The following WDR49 variants were observed in gnomAD, a reference collection of about 807,000 sequenced individuals.
The protein encoded by WDR49 is cilia- and flagella-associated protein 337.
WDR49 carries 107 observed loss-of-function variants against 119.5 expected under a neutral mutation model. That is an observed-to-expected ratio of 0.90 (90% confidence interval 0.77 to 1.05). WDR49 has a LOEUF of 1.05. WDR49 is among the 50% of genes least tolerant of loss of function. The probability of loss-of-function intolerance (pLI) is 0.00; values close to 1 mark genes in which losing one functional copy is unlikely to be tolerated. For missense variants in WDR49, 1,240 were observed against 1,220.5 expected, an observed-to-expected ratio of 1.02 and a Z score of -0.24; for synonymous variants, 425 against 418.8, an observed-to-expected ratio of 1.01 and a Z score of -0.18.
chr3:167,605,103 T>TACAC lies in WDR49; in HGVS notation c.959-639_959-636dup, dbSNP rs147965737. Among the ~76,000 whole-genome samples, 69 of 147,156 alleles carry TACAC rather than the reference T, an allele frequency of 4.7e-4. 1 individual carries two copies. In the East Asian group the frequency reaches 8.5e-3, roughly 18 times the overall value. On this transcript the variant is annotated intron_variant, in intron 5 of 18. Coordinates refer to ENST00000682715, the MANE Select transcript of WDR49 (RefSeq NM_001366157.1). The stretch of plus-strand genomic sequence containing the variant: ...TATATTTGTAATATGTGTATATATA[T>TACAC]ACACACACACACACACACACACACA...
intron 7 of WDR49, among the ~76,000 whole-genome samples, chr3:167,586,732 G>A (rs1714834935): frequency 6.6e-6 from 1 of 152,172 alleles, no homozygotes; most frequent in Admixed American, 6.5e-5. Context: ...TTATTAAAGT[G>A]AAATAGATTT....
chr3:167,504,365 G>A (rs186611330), intron 17 of WDR49, among the ~76,000 whole-genome samples: 12 of 152,284 alleles, frequency 7.9e-5, no homozygotes, highest in Admixed American at 2.6e-4. Flanking sequence ...CTGGATGTGC[G>A]CATGGAATCA....
chr3:167,517,081 G>A (rs890457099), intron 16 of WDR49, among the ~76,000 whole-genome samples: 1 of 152,200 alleles, frequency 6.6e-6, no homozygotes, highest in Non-Finnish European at 1.5e-5. Context: ...GTGCTGGAGA[G>A]GATGTGGGTA....
chr3:167,626,572 A>C (rs1240462058), intron 3 of WDR49, among the ~76,000 whole-genome samples: 1 of 152,018 alleles, frequency 6.6e-6, no homozygotes, highest in East Asian at 1.9e-4. Context: ...TCAGCTCCAC[A>C]TACAGATCCA....
At chr3:167,646,341 T>C (rs915775002) in intron 2 of WDR49, among the ~76,000 whole-genome samples, 11 of 152,176 alleles carry the variant, frequency 7.2e-5, no homozygotes, top group Non-Finnish European at 2.9e-5. Flanking sequence ...TATTTTCTGC[T>C]ATCTCTGGGG....
At chr3:167,495,469 A>G (rs1055719384) in intron 18 of WDR49, among the ~76,000 whole-genome samples, 7 of 152,136 alleles carry the variant, frequency 4.6e-5, no homozygotes, top group Admixed American at 1.3e-4. Context: ...ACTGAAGCCA[A>G]CCTAAGGAAA....
At chr3:167,574,420 T>A (rs921157450) in intron 8 of WDR49, among the ~76,000 whole-genome samples, 3 of 152,198 alleles carry the variant, frequency 2.0e-5, no homozygotes, top group African/African-American at 4.8e-5. Flanking sequence ...AATGTTCATG[T>A]TTCTGTAACT....
intron 16 of WDR49, among the ~76,000 whole-genome samples, chr3:167,514,221 T>C (rs1300125127): frequency 6.6e-6 from 1 of 152,188 alleles, no homozygotes; most frequent in East Asian, 1.9e-4. Context: ...AAAACACTCC[T>C]CAGCAAATGC....
intron 17 of WDR49, among the ~76,000 whole-genome samples, chr3:167,504,867 CT>C (rs962953759): frequency 1.3e-5 from 2 of 152,098 alleles, no homozygotes; most frequent in African/African-American, 4.8e-5. Flanking sequence ...AGAGATCTGG[CT>C]GTTGAAAGTG....
chr3:167,657,602 T>C (rs1437021544), upstream of WDR49, among the ~76,000 whole-genome samples: 1 of 151,300 alleles, frequency 6.6e-6, no homozygotes, highest in Non-Finnish European at 1.5e-5. Flanking sequence ...CTCCTCTTTC[T>C]TTCTTTGCCC....
At chr3:167,493,823 G>C (rs553914230) in intron 18 of WDR49, among the ~76,000 whole-genome samples, 1 of 151,992 alleles carries the variant, frequency 6.6e-6, no homozygotes, top group Non-Finnish European at 1.5e-5. Context: ...TTCTTTAGTA[G>C]GTGTCCCATA....
At chr3:167,571,266 C>G (rs1713922572) in intron 8 of WDR49, among the ~76,000 whole-genome samples, 1 of 152,116 alleles carries the variant, frequency 6.6e-6, no homozygotes, top group Non-Finnish European at 1.5e-5. Context: ...AAAAACCCCA[C>G]AGAGAATCTC....
At chr3:167,625,079 A>G (rs1717070035) in intron 3 of WDR49, among the ~76,000 whole-genome samples, 1 of 152,102 alleles carries the variant, frequency 6.6e-6, no homozygotes. Flanking sequence ...ATTAGGGCAT[A>G]GGAAGCTACT....
intron 3 of WDR49, among the ~76,000 whole-genome samples, chr3:167,624,028 C>T (rs550457781): frequency 4.0e-5 from 6 of 151,754 alleles, no homozygotes; most frequent in Admixed American, 6.6e-5. Flanking sequence ...TAAAAACTCT[C>T]GAAACTCAAT....
chr3:167,631,257 A>C (rs958564354), intron 2 of WDR49, among the ~76,000 whole-genome samples: 25 of 152,112 alleles, frequency 1.6e-4, no homozygotes, highest in African/African-American at 6.0e-4. Context: ...CCTAGAACTT[A>C]AAGTGTAATG....
intron 8 of WDR49, among the ~76,000 whole-genome samples, chr3:167,565,617 C>T (rs1713547861): frequency 6.6e-6 from 1 of 151,998 alleles, no homozygotes; most frequent in Non-Finnish European, 1.5e-5. Context: ...AAGAAGTAAG[C>T]CAACCAGATA....
chr3:167,566,753 T>C, intron 8 of WDR49: 1 of 544,310 alleles, frequency 1.8e-6, no homozygotes, highest in Non-Finnish European at 3.3e-6. Flanking sequence ...TACTACATAC[T>C]GTATTCTTAC....
chr3:167,581,437 G>T (rs183669069), intron 7 of WDR49, among the ~76,000 whole-genome samples: 14 of 152,058 alleles, frequency 9.2e-5, no homozygotes, highest in Admixed American at 8.5e-4. Context: ...TGTCAAATTT[G>T]TCTACAATGT....
At chr3:167,549,165 GTC>G (rs1712393969) in intron 10 of WDR49, among the ~76,000 whole-genome samples, 1 of 152,144 alleles carries the variant, frequency 6.6e-6, no homozygotes. Context: ...GTGCGCATGT[GTC>G]TTTATAGCAG....
Sources: gnomAD v4.1 joint callset for allele counts (sites outside exome capture counted in the v4.1 genomes callset) on GRCh38, gnomAD v4.1.1 for gene constraint, MANE v1.5 for transcripts, NCBI Gene and HGNC (gene_info 2026-07-23, HGNC 2026-07-21) for gene names.